Variants in PRRG3 observed in about 807,000 individuals in gnomAD.
PRRG3 encodes proline rich and Gla domain 3, also known as transmembrane gamma-carboxyglutamic acid protein 3.
In PRRG3, 21 loss-of-function variants were observed where a neutral mutation model predicts 15.8. The observed-to-expected ratio is 1.33, with a 90% CI of 0.94 to 1.92. PRRG3 has a LOEUF of 1.92. Among genes scored for constraint, PRRG3 ranks in the 40% most tolerant of loss-of-function variants. The pLI is 0.00. For synonymous variants in PRRG3, 125 were observed against 84.1 expected, an observed-to-expected ratio of 1.49 and a Z score of -2.66; for missense variants, 251 against 200.2, an observed-to-expected ratio of 1.25 and a Z score of -1.53.
In PRRG3 at chrX:151,701,225, G is replaced by A. The variant is rs145819281; in HGVS notation, c.*192G>A. The A allele has an allele frequency of 0.031, 10,847 of 355,035 alleles. 159 individuals carry two copies. The highest frequency in any genetic ancestry group is 0.035 in the Non-Finnish European group (7,679 of 217,588). The allele number at this position is 355,035 out of a possible 1,213,427, so 29.3% of individuals were successfully genotyped here. The stretch of plus-strand genomic sequence containing the variant: ...GAGGGTGGGGGTAGGGACCACGCAT[G>A]AGTCGAAGCCCCCGGGAAGAGCCAA... On this transcript the variant is annotated 3_prime_UTR_variant, in exon 4 of 4. Coordinates refer to ENST00000674457, the MANE Select transcript of PRRG3 (RefSeq NM_001372163.1).
At position 151,704,121 on chromosome X, in the gene PRRG3, C is replaced by G. The variant is rs1023369778; in HGVS notation, c.*3088C>G. The G allele has an allele frequency of 7.3e-5, 8 of 109,302 alleles. No homozygotes were observed. The highest frequency in any genetic ancestry group is 2.7e-4 in the African/African-American group (8 of 29,893). The allele number at this position is 109,302 out of a possible 1,213,427, so 9.0% of individuals were successfully genotyped here. ...TTTAAAAGAAAAATCGAAATCCTGTCCCTCCCCCGCTTCCCATCGCCTCCG... is the reference window on the plus strand; with the variant it reads ...TTTAAAAGAAAAATCGAAATCCTGTGCCTCCCCCGCTTCCCATCGCCTCCG... On this transcript the variant is annotated 3_prime_UTR_variant, in exon 4 of 4. Coordinates refer to ENST00000674457, the MANE Select transcript of PRRG3 (RefSeq NM_001372163.1).
rs1350288080 is a variant in PRRG3, at chrX:151,703,176, C to T, written c.*2143C>T. ...TGTCCTTCAGGGGCTGAGGACAGGCCGTGGGAAGAGTCACAGGAGGTTGCT... is the reference window on the plus strand; with the variant it reads ...TGTCCTTCAGGGGCTGAGGACAGGCTGTGGGAAGAGTCACAGGAGGTTGCT... On this transcript the variant is annotated 3_prime_UTR_variant, in exon 4 of 4. Coordinates refer to ENST00000674457, the MANE Select transcript of PRRG3 (RefSeq NM_001372163.1). The T allele has an allele frequency of 2.7e-5, 3 of 112,002 alleles. No individual in the cohort carries two copies. Among genetic ancestry groups the T allele is most frequent in the South Asian group, 7.5e-4 (2 of 2,670 alleles). 9.2% of individuals were successfully genotyped at this position (112,002 alleles called of 1,213,427 possible).
At position 151,700,829 on chromosome X, in the gene PRRG3, G is replaced by A. The variant is rs751336477; in HGVS notation, c.492G>A (p.Gly164=). Residue 164 remains glycine (G), a synonymous_variant, in exon 4 of 4, where the codon GGG becomes GGA. Transcript: ENST00000674457. ...SPQVVLGPSR[G]GRTTVRLEST... ...AGGTGGTGCTGGGGCCCAGTCGGGG[G>A]GGCAGGACCACAGTCCGGCTAGAGA... The A allele has an allele frequency of 2.5e-6, 3 of 1,192,537 alleles. No individual in the cohort carries two copies. Among genetic ancestry groups the A allele is most frequent in the South Asian group, 1.8e-5 (1 of 54,803 alleles).
Position 151,701,949 on chromosome X carries a change from G to A in PRRG3, c.*916G>A, listed in dbSNP as rs1035821705. 1.8e-5 allele frequency: 2 copies of A among 112,693 alleles called. No homozygotes were observed. The highest frequency in any genetic ancestry group is 3.7e-4 in the South Asian group (1 of 2,702). The allele number at this position is 112,693 out of a possible 1,213,427, so 9.3% of individuals were successfully genotyped here. A position where few individuals can be genotyped will look rare whatever the true frequency, so the allele number is the denominator to read the frequency against. ...GCGCATCTCAGGAGAAGATCCTAAA[G>A]TGTCCCTTTTAAAACATTTATTTGT... On this transcript the variant is annotated 3_prime_UTR_variant, in exon 4 of 4. Coordinates refer to ENST00000674457, the MANE Select transcript of PRRG3 (RefSeq NM_001372163.1).
intron 2 of PRRG3, 49 bp downstream of exon 2, chrX:151,698,870 G>T (rs779831487): frequency 8.8e-7 from 1 of 1,135,814 alleles, no homozygotes; most frequent in Non-Finnish European, 1.2e-6. Context: ...ATGCCTAGGG[G>T]TTCATGAGTC....
chrX:151,705,560 C>T lies in PRRG3; in HGVS notation c.*4527C>T, dbSNP rs1207315680. ...CTGCTTTTGCCTCTCAATCCATCTC[C>T]CCTCATCGATACCAATTTCCCAGGC... On this transcript the variant is annotated 3_prime_UTR_variant, in exon 4 of 4. Coordinates refer to ENST00000674457, the MANE Select transcript of PRRG3 (RefSeq NM_001372163.1). 1 of 257,298 alleles carries T rather than the reference C, an allele frequency of 3.9e-6. No homozygotes were observed. Among genetic ancestry groups the T allele is most frequent in the Non-Finnish European group, 7.6e-6 (1 of 131,773 alleles). 21.2% of individuals were successfully genotyped at this position (257,298 alleles called of 1,213,427 possible).
rs1569421539 is a variant in PRRG3 at position 151,697,101 on chromosome X, TC to T, written c.-32+1560del. The stretch of plus-strand genomic sequence containing the variant: ...TCTCCTTCCTTCCTTCCTTCCTCCC[TC>T]CCTCCCTTCCTTCCTCCCTCCCTCC... On this transcript the variant is annotated intron_variant, in intron 1 of 3. Transcript: ENST00000674457. Among the ~76,000 whole-genome samples, 254 of 78,672 alleles carry T rather than the reference TC, an allele frequency of 3.2e-3. 4 individuals carry two copies. Among genetic ancestry groups the T allele is most frequent in the African/African-American group, 0.012 (237 of 20,406 alleles). 68.3% of individuals were successfully genotyped at this position (78,672 alleles called of 115,157 possible).
chrX:151,699,824 C>T, intron 2 of PRRG3, 172 bp from the exon 3 acceptor site: 1 of 456,742 alleles, frequency 2.2e-6, no homozygotes, highest in South Asian at 4.8e-5. Context: ...TCAGCCCTTC[C>T]ATCCCTTTCA....
In PRRG3 at chrX:151,703,856, GGTT is replaced by G. The variant is rs2014926493; in HGVS notation, c.*2824_*2826del. ...AAGAAATCTGAGTACTCCTGGGCAT[GGTT>G]TTTTTTTTTTTTTTTTTTTTTTTTT... On this transcript the variant is annotated 3_prime_UTR_variant, in exon 4 of 4. Coordinates refer to ENST00000674457, the MANE Select transcript of PRRG3 (RefSeq NM_001372163.1). 4.5e-4 allele frequency: 4 copies of G among 8,957 alleles called. No homozygotes were observed. Among genetic ancestry groups the G allele is most frequent in the Non-Finnish European group, 1.3e-3 (2 of 1,539 alleles). 0.7% of individuals were successfully genotyped at this position (8,957 alleles called of 1,213,427 possible). A position where few individuals can be genotyped will look rare whatever the true frequency, so the allele number is the denominator to read the frequency against.
rs1166085419 is a variant in PRRG3, at chrX:151,701,220, C to T, written c.*187C>T. ...GTGGGGAGGGTGGGGGTAGGGACCA[C>T]GCATGAGTCGAAGCCCCCGGGAAGA... On this transcript the variant is annotated 3_prime_UTR_variant, in exon 4 of 4. Transcript: ENST00000674457. 1.1e-5 allele frequency: 4 copies of T among 367,404 alleles called. No individual in the cohort carries two copies. Among genetic ancestry groups the T allele is most frequent in the Non-Finnish European group, 1.8e-5 (4 of 228,476 alleles). The allele number at this position is 367,404 out of a possible 1,213,427, so 30.3% of individuals were successfully genotyped here. A position where few individuals can be genotyped will look rare whatever the true frequency, so the allele number is the denominator to read the frequency against.
At chrX:151,698,870 G>A (rs779831487) in intron 2 of PRRG3, 49 bp downstream of exon 2, 2 of 1,135,809 alleles carry the variant, frequency 1.8e-6, no homozygotes, top group Non-Finnish European at 2.4e-6. Context: ...ATGCCTAGGG[G>A]TTCATGAGTC....
intron 2 of PRRG3, 62 bp from the exon 3 acceptor site, chrX:151,699,934 C>A: frequency 5.5e-6 from 6 of 1,097,523 alleles, no homozygotes; most frequent in Non-Finnish European, 6.1e-6. Flanking sequence ...TGGGCTGGGC[C>A]TGGTTTGAAG....
Position 151,700,012 on chromosome X carries a change from G to A in PRRG3, c.24G>A (p.Lys8=), listed in dbSNP as rs768787269. The A allele has an allele frequency of 8.3e-6, 10 of 1,207,575 alleles. No individual in the cohort carries two copies. The Admixed American group carries it at 2.2e-4, about 26-fold the overall frequency. MAVFLEA[K]DAHSVLKRFP... is the part of the protein sequence containing the mutation. Reference sequence around the variant, plus strand: ...TCTCCTCAGTGTTTCTGGAGGCCAAGGATGCCCATTCGGTCCTGAAACGAT... The same window carrying A: ...TCTCCTCAGTGTTTCTGGAGGCCAAAGATGCCCATTCGGTCCTGAAACGAT... Residue 8 remains lysine (K), a synonymous_variant, in exon 3 of 4, where the codon AAG becomes AAA. Transcript: ENST00000674457.
chrX:151,697,276 C>T (rs891135902), intron 1 of PRRG3, among the ~76,000 whole-genome samples: 1 of 109,519 alleles, frequency 9.1e-6, no homozygotes, highest in African/African-American at 3.3e-5. Context: ...TCCCCTGTCT[C>T]AGCCTCCAGA....
chrX:151,700,013 G>C lies in PRRG3; in HGVS notation c.25G>C (p.Asp9His), dbSNP rs765968976. The C allele has an allele frequency of 8.3e-7, 1 of 1,209,099 alleles. No homozygotes were observed. The highest frequency in any genetic ancestry group is 1.8e-5 in the South Asian group (1 of 56,455). ...CTCCTCAGTGTTTCTGGAGGCCAAG[G>C]ATGCCCATTCGGTCCTGAAACGATT... The part of the protein sequence containing the change: MAVFLEAK[D>H]AHSVLKRFPR... The change falls in exon 3 of 4, where the codon GAT (aspartate) becomes CAT (histidine). Residue 9 changes from aspartate to histidine, a missense_variant. By Grantham distance (81) the Asp-to-His change is moderately conservative (BLOSUM62 -1). Coordinates refer to ENST00000674457, the MANE Select transcript of PRRG3 (RefSeq NM_001372163.1).
intron 1 of PRRG3, among the ~76,000 whole-genome samples, chrX:151,697,101 T>TCCCC (rs1569421539): frequency 1.3e-5 from 1 of 78,635 alleles, no homozygotes; most frequent in African/African-American, 4.9e-5. Context: ...CCTTCCTCCC[T>TCCCC]CCCTCCCTTC....
Position 151,700,161 on chromosome X carries a change from G to A in PRRG3, c.168+5G>A, listed in dbSNP as rs900169589. ...TTTGAGAACAAAGAGAAAACGGCAT[G>A]TACCACCCTGGGGCTGGTTCTGGGA... On this transcript the variant is annotated splice_donor_5th_base_variant and intron_variant, in intron 3 of 3. Transcript: ENST00000674457. The A allele has an allele frequency of 2.5e-6, 3 of 1,212,098 alleles. No homozygotes were observed. The highest frequency in any genetic ancestry group is 2.2e-6 in the Non-Finnish European group (2 of 895,609).
At chrX:151,694,755 G>A (rs1244247568), upstream of PRRG3, among the ~76,000 whole-genome samples, 1 of 112,150 alleles carries the variant, frequency 8.9e-6, no homozygotes, top group African/African-American at 3.2e-5. Flanking sequence ...TGAGCCCGGG[G>A]GGTGGGGACA....
At chrX:151,700,267 G>A in intron 3 of PRRG3, 111 bp downstream of exon 3, 1 of 1,187,053 alleles carries the variant, frequency 8.4e-7, no homozygotes, top group South Asian at 1.9e-5. Flanking sequence ...CCCAGCCTAA[G>A]GCATAGCCAC....
Sources: allele counts gnomAD v4.1 joint callset (sites outside exome capture counted in the v4.1 genomes callset), GRCh38; gene constraint gnomAD v4.1.1; transcripts MANE v1.5; gene names NCBI Gene and HGNC (gene_info 2026-07-23, HGNC 2026-07-21).